Variants in HPSE2 observed in about 807,000 individuals in gnomAD.
HPSE2 encodes inactive heparanase-2.
Under a neutral mutation model 60.5 loss-of-function variants are expected in HPSE2, and 38 were observed. The observed-to-expected ratio is 0.63, with a 90% CI of 0.48 to 0.82. The LOEUF (loss-of-function observed/expected upper bound fraction) is 0.82. Ranked by LOEUF, HPSE2 falls within the 40% of genes least tolerant of loss-of-function variation. HPSE2 has a pLI of 0.00. For synonymous variants in HPSE2, 295 were observed against 293.2 expected (o/e 1.01, Z -0.06); for missense variants, 713 against 740.4 (o/e 0.96, Z 0.43).
intron 4 of HPSE2, among the ~76,000 whole-genome samples, chr10:98,738,041 A>G (rs1205024840): frequency 6.6e-6 from 1 of 152,220 alleles, no homozygotes. Flanking sequence ...CTAAGCAAAA[A>G]GAACAAAGCT....
intron 3 of HPSE2, among the ~76,000 whole-genome samples, chr10:98,993,892 G>A (rs754464947): frequency 1.3e-5 from 2 of 152,134 alleles, no homozygotes; most frequent in South Asian, 2.1e-4. Flanking sequence ...AGATAGAAGG[G>A]CACCAGTTTT....
chr10:98,968,753 C>A (rs58611159), intron 3 of HPSE2, among the ~76,000 whole-genome samples: 70,052 of 151,870 alleles, frequency 0.46, 18,257 homozygotes, highest in Non-Finnish European at 0.6. Flanking sequence ...AAATAAAAAA[C>A]CAAATATTTT....
chr10:99,090,791 T>G (rs1054220722), intron 3 of HPSE2, among the ~76,000 whole-genome samples: 20 of 152,222 alleles, frequency 1.3e-4, no homozygotes, highest in African/African-American at 4.6e-4. Context: ...CCTCAAAATA[T>G]CTAAGGTGCT....
intron 7 of HPSE2, among the ~76,000 whole-genome samples, chr10:98,637,982 A>G (rs1412474874): frequency 6.6e-6 from 1 of 151,694 alleles, no homozygotes; most frequent in African/African-American, 2.4e-5. Flanking sequence ...TCTGCCAAAA[A>G]TACAAAAATC....
At chr10:99,038,492 G>C (rs1374412412) in intron 3 of HPSE2, among the ~76,000 whole-genome samples, 1 of 152,154 alleles carries the variant, frequency 6.6e-6, no homozygotes, top group Non-Finnish European at 1.5e-5. Context: ...AAACAGATTA[G>C]TTGTTGCCAG....
chr10:99,070,216 A>G (rs1382764720), intron 3 of HPSE2, among the ~76,000 whole-genome samples: 2 of 152,224 alleles, frequency 1.3e-5, no homozygotes, highest in East Asian at 3.8e-4. Flanking sequence ...TGCAAATCAC[A>G]TATCTGACAA....
At chr10:98,492,435 G>A (rs1226227186) in intron 9 of HPSE2, among the ~76,000 whole-genome samples, 1 of 149,292 alleles carries the variant, frequency 6.7e-6, no homozygotes, top group African/African-American at 2.5e-5. Flanking sequence ...CCAGGAGGCG[G>A]AGCTTGCAGT....
chr10:98,875,743 A>T (rs961306769), intron 3 of HPSE2, among the ~76,000 whole-genome samples: 3 of 151,954 alleles, frequency 2.0e-5, no homozygotes, highest in Admixed American at 6.6e-5. Flanking sequence ...AACTTCAGGA[A>T]GTTATTCTAG....
intron 3 of HPSE2, among the ~76,000 whole-genome samples, chr10:98,871,620 A>C (rs1440573158): frequency 6.6e-6 from 1 of 152,106 alleles, no homozygotes; most frequent in Non-Finnish European, 1.5e-5. Flanking sequence ...ATATTTACTA[A>C]ATTCATGCTG....
At chr10:99,007,099 G>T (rs920538729) in intron 3 of HPSE2, among the ~76,000 whole-genome samples, 2 of 152,138 alleles carry the variant, frequency 1.3e-5, no homozygotes, top group Non-Finnish European at 2.9e-5. Context: ...GCCCACTGCT[G>T]GGGGTGGCCT....
At chr10:98,864,884 C>T (rs904623905) in intron 3 of HPSE2, among the ~76,000 whole-genome samples, 21 of 151,884 alleles carry the variant, frequency 1.4e-4, no homozygotes, top group African/African-American at 4.6e-4. Flanking sequence ...TTCTAAAGTC[C>T]AAGTAATTTA....
intron 6 of HPSE2, among the ~76,000 whole-genome samples, chr10:98,670,359 G>C (rs1396383557): frequency 6.6e-6 from 1 of 152,172 alleles, no homozygotes; most frequent in Admixed American, 6.5e-5. Context: ...AATAAAAACT[G>C]TCTTTGAATT....
At chr10:98,821,689 A>C (rs1951428529) in intron 3 of HPSE2, among the ~76,000 whole-genome samples, 3 of 152,214 alleles carry the variant, frequency 2.0e-5, no homozygotes, top group African/African-American at 7.2e-5. Context: ...CTTTGGAAAC[A>C]AAAAGGATTT....
chr10:99,293,969 T>C, the HPSE2 span, among the ~76,000 whole-genome samples: 2 of 152,170 alleles, frequency 1.3e-5, no homozygotes, highest in African/African-American at 4.8e-5. Context: ...GGTCCAGCAC[T>C]GATGGACAAG....
intron 9 of HPSE2, among the ~76,000 whole-genome samples, chr10:98,555,196 T>C (rs984273129): frequency 6.6e-6 from 1 of 152,218 alleles, no homozygotes; most frequent in Non-Finnish European, 1.5e-5. Flanking sequence ...TTGAGCCATT[T>C]AACAAAATGC....
rs66562418 is a variant in HPSE2 at position 99,086,346 on chromosome 10, C to CTTTTTTTTTTTTTT, written c.610+57878_610+57891dup. On this transcript the variant is annotated intron_variant, in intron 3 of 11. Coordinates refer to ENST00000370552, the MANE Select transcript of HPSE2 (RefSeq NM_021828.5). The stretch of plus-strand genomic sequence containing the variant: ...AGGTGGTAATACGGAAAAGTACTTT[C>CTTTTTTTTTTTTTT]TTTTTTTTTTTTTTTTTTTTTTTTG... 4.5e-4 allele frequency among the ~76,000 whole-genome samples: 37 copies of CTTTTTTTTTTTTTT among 82,998 alleles called. 3 individuals are homozygous for CTTTTTTTTTTTTTT. The East Asian group carries it at 5.2e-3, about 12-fold the overall frequency. The allele number at this position is 82,998 out of a possible 152,430, so 54.4% of individuals were successfully genotyped here.
intron 6 of HPSE2, among the ~76,000 whole-genome samples, chr10:98,650,648 T>TTA (rs1198513740): frequency 6.6e-6 from 1 of 152,172 alleles, no homozygotes; most frequent in Non-Finnish European, 1.5e-5. Flanking sequence ...TTTTCTATAT[T>TTA]TAGACATACT....
At chr10:99,142,010 A>C (rs978725490) in intron 3 of HPSE2, among the ~76,000 whole-genome samples, 4 of 152,210 alleles carry the variant, frequency 2.6e-5, no homozygotes, top group African/African-American at 9.6e-5. Context: ...AAGGATGTAA[A>C]AAGTGATCTC....
chr10:98,727,569 T>C (rs971788390), intron 4 of HPSE2, among the ~76,000 whole-genome samples: 1 of 151,962 alleles, frequency 6.6e-6, no homozygotes, highest in African/African-American at 2.4e-5. Context: ...GGCAGGAGAA[T>C]TGCTTGAATC....
Sources: allele counts gnomAD v4.1 joint callset (sites outside exome capture counted in the v4.1 genomes callset), GRCh38; gene constraint gnomAD v4.1.1; transcripts MANE v1.5; gene names NCBI Gene and HGNC (gene_info 2026-07-23, HGNC 2026-07-21).